The following DPP8 variants were observed in gnomAD, a reference collection of about 807,000 sequenced individuals.
The protein encoded by DPP8 is DPP VIII.
Under a neutral mutation model 107.5 loss-of-function variants are expected in DPP8, and 31 were observed. The observed-to-expected ratio is 0.29, with a 90% CI of 0.22 to 0.39. The LOEUF is 0.39. DPP8 is among the 10% of genes least tolerant of loss of function. The probability of loss-of-function intolerance (pLI) is 1.00; values close to 1 mark genes in which losing one functional copy is unlikely to be tolerated. For missense variants in DPP8, 842 were observed against 1,076.1 expected (o/e 0.78, Z 3.04); for synonymous variants, 381 against 356.6 (o/e 1.07, Z -0.77).
At chr15:65,468,733 G>C (rs2140517126) in intron 12 of DPP8, among the ~76,000 whole-genome samples, 1 of 152,230 alleles carries the variant, frequency 6.6e-6, no homozygotes, top group Non-Finnish European at 1.5e-5. Flanking sequence ...ACAAGTACGT[G>C]TTAATCTTTG....
At chr15:65,477,529 A>ATTT (rs1174774140) in intron 11 of DPP8, among the ~76,000 whole-genome samples, 1 of 139,866 alleles carries the variant, frequency 7.1e-6, no homozygotes, top group Non-Finnish European at 1.6e-5. Flanking sequence ...CTTTTCCACA[A>ATTT]TTTTTTTTTT....
rs34958127 is a variant in DPP8 at position 65,481,967 on chromosome 15, AATAT to A, written c.1018-356_1018-353del. 5.2e-4 allele frequency among the ~76,000 whole-genome samples: 77 copies of A among 148,962 alleles called. 1 individual carries two copies. Among genetic ancestry groups the A allele is most frequent in the East Asian group, 4.1e-3 (21 of 5,116 alleles). On this transcript the variant is annotated intron_variant, in intron 8 of 19. Coordinates refer to ENST00000300141, the MANE Select transcript of DPP8 (RefSeq NM_130434.5). ...CCTAGTTCCCCATATTTCACCTAGAAATATATATATATATATACACACACTAATT... is the reference window on the plus strand; with the variant it reads ...CCTAGTTCCCCATATTTCACCTAGAAATATATATATATACACACACTAATT...
intron 17 of DPP8, 45 bp from the exon 18 acceptor site, chr15:65,452,147 G>A (rs1160082236): frequency 2.5e-6 from 4 of 1,575,314 alleles, no homozygotes; most frequent in African/African-American, 1.4e-5. Context: ...TGGAAAAAGA[G>A]AGTGGCTAGC....
At chr15:65,451,883 C>A in intron 18 of DPP8, 77 bp downstream of exon 18, 2 of 1,410,158 alleles carry the variant, frequency 1.4e-6, no homozygotes, top group Non-Finnish European at 1.9e-6. Context: ...CCTGATCATG[C>A]CACTACACTC....
chr15:65,442,783 C>T lies in DPP8; in HGVS notation c.*4101G>A, dbSNP rs1236130479. On this transcript the variant is annotated 3_prime_UTR_variant, in exon 20 of 20. Coordinates refer to ENST00000300141, the MANE Select transcript of DPP8 (RefSeq NM_130434.5). ...TGAAATGATCACCTAGAGCCCAGGA[C>T]CTTGCACTAACATCTCTATATTTGA... 1 of 152,148 alleles carries T rather than the reference C, an allele frequency of 6.6e-6. No homozygotes were observed. The highest frequency in any genetic ancestry group is 2.4e-5 in the African/African-American group (1 of 41,426). 9.4% of individuals were successfully genotyped at this position (152,148 alleles called of 1,614,324 possible). A position where few individuals can be genotyped will look rare whatever the true frequency, so the allele number is the denominator to read the frequency against.
In DPP8 at chr15:65,490,013, C is replaced by T. The variant is rs112419973; in HGVS notation, c.826+176G>A. 7.7e-3 allele frequency among the ~76,000 whole-genome samples: 1,179 copies of T among 152,250 alleles called. 21 individuals carry two copies. Among genetic ancestry groups the T allele is most frequent in the African/African-American group, 0.027 (1,141 of 41,546 alleles). On this transcript the variant is annotated intron_variant, in intron 6 of 19. Transcript: ENST00000300141. ...GGATTACAGGTGTTAGCCACTGTGC[C>T]CAGCCTAATCTACATATTTTAAATA...
chr15:65,450,403 C>T (rs1415481675), intron 19 of DPP8, among the ~76,000 whole-genome samples: 1 of 152,130 alleles, frequency 6.6e-6, no homozygotes, highest in Non-Finnish European at 1.5e-5. Flanking sequence ...AGCTTAAAAA[C>T]TACTGCTATA....
At chr15:65,452,245 C>G in intron 17 of DPP8, 143 bp from the exon 18 acceptor site, 1 of 884,766 alleles carries the variant, frequency 1.1e-6, no homozygotes, top group South Asian at 2.4e-5. Flanking sequence ...TTAGGCAACT[C>G]AGAATACGAA....
At chr15:65,514,666 G>A (rs1236250008) in intron 1 of DPP8, among the ~76,000 whole-genome samples, 2 of 152,054 alleles carry the variant, frequency 1.3e-5, no homozygotes, top group Non-Finnish European at 1.5e-5. Context: ...ACCCGCCATC[G>A]TGCCCAGTTA....
At chr15:65,465,095 T>G (rs901369545) in intron 14 of DPP8, among the ~76,000 whole-genome samples, 12 of 152,132 alleles carry the variant, frequency 7.9e-5, no homozygotes, top group Non-Finnish European at 1.8e-4. Flanking sequence ...ATCACCATAT[T>G]ACAAGTTCTG....
chr15:65,459,744 C>T (rs1291075417), intron 15 of DPP8, among the ~76,000 whole-genome samples: 1 of 152,096 alleles, frequency 6.6e-6, no homozygotes, highest in Admixed American at 6.6e-5. Context: ...CACCTGAGGT[C>T]AGGAGTTCGA....
intron 3 of DPP8, among the ~76,000 whole-genome samples, chr15:65,506,995 G>GT (rs1433739120): frequency 1.3e-5 from 2 of 152,064 alleles, no homozygotes; most frequent in Middle Eastern, 3.4e-3. Context: ...TGAGAACTAC[G>GT]TAAGTACAAA....
intron 1 of DPP8, among the ~76,000 whole-genome samples, chr15:65,513,112 T>G (rs904309291): frequency 6.6e-6 from 1 of 152,226 alleles, no homozygotes; most frequent in Non-Finnish European, 1.5e-5. Context: ...AATATATTGT[T>G]TCCTTTTAAA....
chr15:65,486,935 T>C (rs958428801), intron 7 of DPP8, among the ~76,000 whole-genome samples: 20 of 151,932 alleles, frequency 1.3e-4, no homozygotes, highest in African/African-American at 4.6e-4. Flanking sequence ...CTAGAGAACT[T>C]ATCCATGTAA....
At chr15:65,493,187 G>A (rs928378242) in intron 5 of DPP8, among the ~76,000 whole-genome samples, 3 of 151,970 alleles carry the variant, frequency 2.0e-5, no homozygotes, top group African/African-American at 2.4e-5. Context: ...GGGTTCAAGC[G>A]ATTCTCCTGC....
intron 8 of DPP8, among the ~76,000 whole-genome samples, chr15:65,482,439 G>A (rs1487933854): frequency 6.6e-6 from 1 of 151,890 alleles, no homozygotes; most frequent in African/African-American, 2.4e-5. Context: ...ATACCACCAC[G>A]CCCAGCTAAT....
intron 2 of DPP8, among the ~76,000 whole-genome samples, chr15:65,508,551 T>C (rs1396737553): frequency 3.3e-5 from 5 of 152,082 alleles, no homozygotes; most frequent in African/African-American, 4.8e-5. Context: ...AAAGCCTTTC[T>C]ATTCTAAAAA....
At chr15:65,449,652 C>T (rs1460313900) in intron 19 of DPP8, among the ~76,000 whole-genome samples, 3 of 152,084 alleles carry the variant, frequency 2.0e-5, no homozygotes, top group African/African-American at 7.2e-5. Context: ...TCAGGTAATC[C>T]GCCTGCCTCG....
At chr15:65,515,791 C>A (rs2071378555) in intron 1 of DPP8, 1 of 1,125,048 alleles carries the variant, frequency 8.9e-7, no homozygotes, top group Admixed American at 1.9e-5. Flanking sequence ...ACCATCAAAG[C>A]CTGCTCACCA....
Sources: gnomAD v4.1 joint callset for allele counts (sites outside exome capture counted in the v4.1 genomes callset) on GRCh38, gnomAD v4.1.1 for gene constraint, MANE v1.5 for transcripts, NCBI Gene and HGNC (gene_info 2026-07-23, HGNC 2026-07-21) for gene names.